RRP1B: variants seen among roughly 807,000 people sequenced by gnomAD.
RRP1B encodes ribosomal RNA processing protein 1 homolog B.
RRP1B carries 56 observed loss-of-function variants against 80.2 expected under a neutral mutation model. That is an observed-to-expected ratio of 0.70 (90% CI 0.56 to 0.87). RRP1B has a LOEUF of 0.87. Among genes scored for constraint, RRP1B ranks in the 40% least tolerant of loss-of-function variants. RRP1B has a pLI of 0.00. For missense variants in RRP1B, 807 were observed against 939.8 expected (o/e 0.86, Z 1.85); for synonymous variants, 351 against 357.6 (o/e 0.98, Z 0.21).
chr21:43,694,031 G>A lies in RRP1B; in HGVS notation c.*648G>A, dbSNP rs1221981639. The A allele has an allele frequency of 6.6e-6, 1 of 152,610 alleles. No individual in the cohort carries two copies. The highest frequency in any genetic ancestry group is 2.4e-5 in the African/African-American group (1 of 41,410). 9.5% of individuals were successfully genotyped at this position (152,610 alleles called of 1,614,324 possible). A position where few individuals can be genotyped will look rare whatever the true frequency, so the allele number is the denominator to read the frequency against. On this transcript the variant is annotated 3_prime_UTR_variant, in exon 16 of 16. Coordinates refer to ENST00000340648, the MANE Select transcript of RRP1B (RefSeq NM_015056.3). ...GCTTTTTCTTCTCCTCCCCCTACCCGGTTTCCCTCCCTGTTTTCCTACCTC... is the reference window on the plus strand; with the variant it reads ...GCTTTTTCTTCTCCTCCCCCTACCCAGTTTCCCTCCCTGTTTTCCTACCTC...
intron 11 of RRP1B, chr21:43,686,553 C>T: frequency 2.6e-6 from 1 of 392,074 alleles, no homozygotes; most frequent in South Asian, 3.4e-5. Flanking sequence ...ACTGCATTAG[C>T]CAAGCGTCCG....
intron 1 of RRP1B, among the ~76,000 whole-genome samples, chr21:43,660,431 C>T (rs1033663383): frequency 1.3e-5 from 2 of 152,042 alleles, no homozygotes; most frequent in African/African-American, 4.8e-5. Context: ...GGCATGGTGG[C>T]GCATGCCTGT....
At chr21:43,684,834 C>G (rs2083057164) in intron 10 of RRP1B, among the ~76,000 whole-genome samples, 184 bp downstream of exon 10, 1 of 152,068 alleles carries the variant, frequency 6.6e-6, no homozygotes, top group South Asian at 2.1e-4. Context: ...GCAGTCCCAC[C>G]CCTCAGGTTC....
rs1220327221 is a variant in RRP1B at position 43,659,651 on chromosome 21, C to T, written c.-14C>T. ...ACCGCGGGTTGCGCGGCCGGGGATG[C>T]TCCAGCGGGCGCGATGGCCCCCGCC... On this transcript the variant is annotated 5_prime_UTR_variant, in exon 1 of 16. Transcript: ENST00000340648. The surrounding 1 kb of genome is among the most constrained non-coding windows in gnomAD (Gnocchi z 4.2). 15 of 1,495,974 alleles carry T rather than the reference C, an allele frequency of 1.0e-5. No homozygotes were observed. Among genetic ancestry groups the T allele is most frequent in the Non-Finnish European group, 1.2e-5 (14 of 1,121,836 alleles). The allele number at this position is 1,495,974 out of a possible 1,614,324, so 92.7% of individuals were successfully genotyped here. A position where few individuals can be genotyped will look rare whatever the true frequency, so the allele number is the denominator to read the frequency against.
intron 8 of RRP1B, 138 bp from the exon 9 acceptor site, chr21:43,683,141 A>T: frequency 1.7e-6 from 1 of 604,230 alleles, no homozygotes; most frequent in Non-Finnish European, 2.9e-6. Flanking sequence ...CCAAAGTGCT[A>T]GAATTACAGG....
rs373625603 is a variant in RRP1B, at chr21:43,690,279, C to A, written c.1867-9C>A. 5 of 1,613,972 alleles carry A rather than the reference C, an allele frequency of 3.1e-6. No individual in the cohort carries two copies. Among genetic ancestry groups the A allele is most frequent in the Non-Finnish European group, 4.2e-6 (5 of 1,179,890 alleles). On this transcript the variant is annotated splice_polypyrimidine_tract_variant and intron_variant, in intron 13 of 15. Coordinates refer to ENST00000340648, the MANE Select transcript of RRP1B (RefSeq NM_015056.3). ...CCCCTCCTCCGCTTCTCACCCCTCGCTCACGTAGGGAAGCAGTGGGACTTG... is the reference window on the plus strand; with the variant it reads ...CCCCTCCTCCGCTTCTCACCCCTCGATCACGTAGGGAAGCAGTGGGACTTG...
At chr21:43,664,606 T>C (rs910636723) in intron 1 of RRP1B, among the ~76,000 whole-genome samples, 2 of 152,248 alleles carry the variant, frequency 1.3e-5, no homozygotes, top group East Asian at 1.9e-4. Context: ...CGTGCTACTC[T>C]GTTGCCTCCT....
rs373013119 is a variant in RRP1B at position 43,671,109 on chromosome 21, CA to C, written c.213+1144del. On this transcript the variant is annotated intron_variant, in intron 2 of 15. Transcript: ENST00000340648. ...AGACTGATGAGGAGTGTGCTTTTCT[CA>C]CGGAACCTCAGAAGAGAGGGCGTCT... Among the ~76,000 whole-genome samples the C allele has an allele frequency of 2.4e-3, 361 of 152,270 alleles. 3 individuals are homozygous for C. The highest frequency in any genetic ancestry group is 7.8e-3 in the African/African-American group (326 of 41,540).
rs536276776 is a variant in RRP1B at position 43,676,137 on chromosome 21, C to T, written c.550-135C>T. 3.7e-5 allele frequency: 23 copies of T among 625,048 alleles called. No individual in the cohort carries two copies. The East Asian group carries it at 4.3e-4, about 12-fold the overall frequency. 38.7% of individuals were successfully genotyped at this position (625,048 alleles called of 1,614,324 possible). ...AGGCTTCTGTGGCATTCCACAGGGGCGCTTTGGGGCTGTGTGAGACAGGCA... is the reference window on the plus strand; with the variant it reads ...AGGCTTCTGTGGCATTCCACAGGGGTGCTTTGGGGCTGTGTGAGACAGGCA... On this transcript the variant is annotated intron_variant, in intron 6 of 15. Transcript: ENST00000340648.
chr21:43,670,452 G>T (rs933714419), intron 2 of RRP1B, among the ~76,000 whole-genome samples: 1 of 152,248 alleles, frequency 6.6e-6, no homozygotes, highest in Non-Finnish European at 1.5e-5. Flanking sequence ...CAGCAGGCTC[G>T]GTCTCTCTGT....
intron 13 of RRP1B, among the ~76,000 whole-genome samples, chr21:43,689,014 A>G (rs377635217): frequency 2.6e-5 from 4 of 152,352 alleles, no homozygotes; most frequent in East Asian, 3.9e-4. Flanking sequence ...GGGCTCAAGC[A>G]GTCCACCTGC....
At position 43,687,928 on chromosome 21, in the gene RRP1B, C is replaced by T. The variant is rs936908110; in HGVS notation, c.1554C>T (p.Ala518=). 6.2e-6 allele frequency: 10 copies of T among 1,613,266 alleles called. No individual in the cohort carries two copies. The highest frequency in any genetic ancestry group is 8.5e-6 in the Non-Finnish European group (10 of 1,180,034). ...QGPRGSPTGG[A]QLLKRKRKLG... ...CTAGAGGGTCCCCGACAGGTGGAGC[C>T]CAACTCCTAAAAAGGAAGCGGAAAC... The change falls in exon 13 of 16, where the codon GCC becomes GCT. Residue 518 remains alanine (A), a synonymous_variant. Coordinates refer to ENST00000340648, the MANE Select transcript of RRP1B (RefSeq NM_015056.3).
intron 13 of RRP1B, among the ~76,000 whole-genome samples, chr21:43,689,042 C>T (rs1336091661): frequency 2.0e-5 from 3 of 152,228 alleles, no homozygotes; most frequent in Non-Finnish European, 4.4e-5. Flanking sequence ...TCCCAAAGTG[C>T]GGGATTACAG....
At chr21:43,684,739 TTTC>T in intron 10 of RRP1B, 89 bp downstream of exon 10, 1 of 1,066,492 alleles carries the variant, frequency 9.4e-7, no homozygotes, top group Non-Finnish European at 1.4e-6. Context: ...GCTTATCTTT[TTTC>T]TTTCTTCTTT....
Position 43,693,404 on chromosome 21 carries a change from A to G in RRP1B, c.*21A>G. On this transcript the variant is annotated 3_prime_UTR_variant, in exon 16 of 16. Transcript: ENST00000340648. This position sits in a 1 kb window ranked among gnomAD's most constrained non-coding sequence, Gnocchi z 4.1. The stretch of plus-strand genomic sequence containing the variant: ...TCTGAGGAGCAGCAGAGTCCCTTGT[A>G]AAAGACTGCTTTTGTACAGAATGCG... 2 of 1,520,640 alleles carry G rather than the reference A, an allele frequency of 1.3e-6. No homozygotes were observed. Among genetic ancestry groups the G allele is most frequent in the Middle Eastern group, 1.7e-4 (1 of 5,776 alleles). 94.2% of individuals were successfully genotyped at this position (1,520,640 alleles called of 1,614,324 possible).
chr21:43,676,242 T>C, intron 6 of RRP1B, 30 bp from the exon 7 acceptor site: 1 of 1,515,854 alleles, frequency 6.6e-7, no homozygotes, highest in East Asian at 2.3e-5. Flanking sequence ...AAAGGCTCTT[T>C]CTCAATTTTT....
chr21:43,667,541 C>T (rs1410906940), intron 1 of RRP1B, among the ~76,000 whole-genome samples: 1 of 152,130 alleles, frequency 6.6e-6, no homozygotes, highest in African/African-American at 2.4e-5. Context: ...TCAAGTGAGC[C>T]GCCACGCCTG....
At chr21:43,680,639 C>T (rs770773869) in intron 8 of RRP1B, among the ~76,000 whole-genome samples, 2 of 152,238 alleles carry the variant, frequency 1.3e-5, no homozygotes, top group Non-Finnish European at 2.9e-5. Flanking sequence ...TGGTTTATTG[C>T]GGCCTCAACC....
intron 1 of RRP1B, among the ~76,000 whole-genome samples, chr21:43,667,193 T>TC (rs1450398725): frequency 3.5e-4 from 54 of 152,284 alleles, no homozygotes; most frequent in African/African-American, 1.2e-3. Flanking sequence ...GTCTGACACA[T>TC]CCACTTTCAA....
Sources: allele counts gnomAD v4.1 joint callset (sites outside exome capture counted in the v4.1 genomes callset), GRCh38; gene constraint gnomAD v4.1.1; non-coding constraint Gnocchi (gnomAD v3.1); transcripts MANE v1.5; gene names NCBI Gene and HGNC (gene_info 2026-07-23, HGNC 2026-07-21).